Variants in GRIN2B observed in about 807,000 individuals in gnomAD.
GRIN2B encodes glutamate ionotropic receptor NMDA type subunit 2B.
GRIN2B carries 5 observed loss-of-function variants against 114.5 expected under a neutral mutation model. The ratio of observed to expected loss-of-function variants is 0.04; its 90% confidence interval spans 0.02 to 0.09. The LOEUF (loss-of-function observed/expected upper bound fraction) is 0.09. Among genes scored for constraint, GRIN2B ranks in the 10% least tolerant of loss-of-function variants. GRIN2B has a pLI of 1.00. For synonymous variants in GRIN2B, 787 were observed against 745.1 expected (o/e 1.06, Z -0.92); for missense variants, 1,108 against 1,943.5 (o/e 0.57, Z 8.08).
At chr12:13,859,556 G>C (rs529603939) in intron 3 of GRIN2B, among the ~76,000 whole-genome samples, 1 of 152,176 alleles carries the variant, frequency 6.6e-6, no homozygotes, top group Admixed American at 6.5e-5. Flanking sequence ...TATAGTTCAA[G>C]TAGGGAAAAT....
chr12:13,669,720 GT>G (rs2136535048), intron 5 of GRIN2B, among the ~76,000 whole-genome samples: 1 of 152,296 alleles, frequency 6.6e-6, no homozygotes, highest in East Asian at 1.9e-4. Context: ...AGATGTGCCA[GT>G]TTCTTCTGAG....
At chr12:13,904,533 T>C (rs1866507251) in intron 2 of GRIN2B, among the ~76,000 whole-genome samples, 1 of 152,142 alleles carries the variant, frequency 6.6e-6, no homozygotes, top group Non-Finnish European at 1.5e-5. Flanking sequence ...AAATGGCTAA[T>C]AATCATTTAG....
chr12:13,574,180 C>T (rs911332671), intron 10 of GRIN2B, among the ~76,000 whole-genome samples: 5 of 152,152 alleles, frequency 3.3e-5, no homozygotes, highest in East Asian at 3.9e-4. Context: ...GAGCTCAATT[C>T]GCCTAATTAA....
chr12:13,937,096 AG>A (rs761130234), intron 2 of GRIN2B, among the ~76,000 whole-genome samples: 6 of 128,932 alleles, frequency 4.7e-5, no homozygotes, highest in African/African-American at 1.7e-4. Flanking sequence ...AAAAAAAAAA[AG>A]GGGGGGGGGA....
intron 4 of GRIN2B, among the ~76,000 whole-genome samples, chr12:13,721,511 A>G (rs78659683): frequency 0.045 from 6,779 of 152,050 alleles, 205 homozygotes; most frequent in Middle Eastern, 0.058. Flanking sequence ...ATATCGGTGT[A>G]AGAAAAATAA....
chr12:13,587,202 G>C (rs907268693), intron 10 of GRIN2B, among the ~76,000 whole-genome samples: 9 of 152,116 alleles, frequency 5.9e-5, no homozygotes, highest in African/African-American at 2.2e-4. Context: ...TTTTAGATCA[G>C]ATACTCATCT....
chr12:13,932,558 G>A (rs1334542600), intron 2 of GRIN2B, among the ~76,000 whole-genome samples: 1 of 152,160 alleles, frequency 6.6e-6, no homozygotes, highest in East Asian at 1.9e-4. Context: ...CCAGTCAAAA[G>A]TCTTTATTTC....
chr12:13,686,339 T>A (rs1336720773), intron 4 of GRIN2B, among the ~76,000 whole-genome samples: 1 of 152,124 alleles, frequency 6.6e-6, no homozygotes, highest in Non-Finnish European at 1.5e-5. Context: ...TCTTTTCTCA[T>A]CCTCAAGAGG....
intron 3 of GRIN2B, among the ~76,000 whole-genome samples, chr12:13,784,189 A>C (rs1864178213): frequency 7.7e-6 from 1 of 129,186 alleles, no homozygotes. Flanking sequence ...GCGCCACTGC[A>C]CTCCAGCCTG....
At chr12:13,708,977 T>C (rs1950389812) in intron 4 of GRIN2B, among the ~76,000 whole-genome samples, 1 of 152,044 alleles carries the variant, frequency 6.6e-6, no homozygotes. Context: ...CAGGTTTACA[T>C]AAATAAAGAA....
rs200265732 is a variant in GRIN2B, at chr12:13,564,182, C to A, written c.3056G>T (p.Ser1019Ile). 1.5e-5 allele frequency: 24 copies of A among 1,614,010 alleles called. No homozygotes were observed. The highest frequency in any genetic ancestry group is 1.8e-5 in the Non-Finnish European group (21 of 1,180,030). Residue 1019 changes from serine to isoleucine, a missense_variant, in exon 14 of 14, where the codon AGC becomes ATC. By Grantham distance (142) the Ser-to-Ile change is moderately radical. Around this residue, in one of 19 missense-constraint regions of GRIN2B, gnomAD observed 140 missense variants for 187.5 expected, o/e 0.75. Coordinates refer to ENST00000609686, the MANE Select transcript of GRIN2B (RefSeq NM_000834.5). The surrounding 1 kb of genome is among the most constrained non-coding windows in gnomAD (Gnocchi z 4.8). Reference protein sequence around the residue: ...PPFTTQSRSISKKPLDIGLPS... With the variant: ...PPFTTQSRSIIKKPLDIGLPS... ...GAGGCCGATGTCCAGGGGCTTCTTGCTGATGGACCTGGACTGGGTGGTGAA... is the reference window on the plus strand; with the variant it reads ...GAGGCCGATGTCCAGGGGCTTCTTGATGATGGACCTGGACTGGGTGGTGAA...
intron 2 of GRIN2B, among the ~76,000 whole-genome samples, chr12:13,921,879 G>A (rs980154858): frequency 6.6e-6 from 1 of 152,124 alleles, no homozygotes; most frequent in Non-Finnish European, 1.5e-5. Flanking sequence ...TGGATAGATG[G>A]ATAGGCAGAT....
chr12:13,705,719 A>G (rs760784586), intron 4 of GRIN2B, among the ~76,000 whole-genome samples: 16 of 152,184 alleles, frequency 1.1e-4, no homozygotes, highest in Non-Finnish European at 2.1e-4. Context: ...ATTTCTCTTT[A>G]CTATAATAAT....
chr12:13,631,487 A>C (rs1457179652), intron 5 of GRIN2B, among the ~76,000 whole-genome samples: 1 of 152,204 alleles, frequency 6.6e-6, no homozygotes. Flanking sequence ...GACAAAGGCA[A>C]GGAAGTTGGC....
At chr12:13,580,223 A>C (rs1371180327) in intron 10 of GRIN2B, among the ~76,000 whole-genome samples, 1 of 152,226 alleles carries the variant, frequency 6.6e-6, no homozygotes, top group Non-Finnish European at 1.5e-5. Flanking sequence ...CACATAAATG[A>C]AAGCAGCTCT....
Position 13,547,986 on chromosome 12 carries a change from T to TTTTA in GRIN2B, c.*14796_*14797insTAAA, listed in dbSNP as rs1255771051. ...ATATATATATATATATATATATTTT[T>TTTTA]TTTTTTTTTCTGAAAGCTACAGAAG... On this transcript the variant is annotated 3_prime_UTR_variant, in exon 14 of 14. Transcript: ENST00000609686. 1 of 134,630 alleles carries TTTTA rather than the reference T, an allele frequency of 7.4e-6. No individual in the cohort carries two copies. Among genetic ancestry groups the TTTTA allele is most frequent in the Non-Finnish European group, 1.6e-5 (1 of 61,234 alleles). The allele number at this position is 134,630 out of a possible 1,614,324, so 8.3% of individuals were successfully genotyped here. A position where few individuals can be genotyped will look rare whatever the true frequency, so the allele number is the denominator to read the frequency against.
Position 13,562,738 on chromosome 12 carries a change from C to A in GRIN2B, c.*45G>T. 1 of 1,516,032 alleles carries A rather than the reference C, an allele frequency of 6.6e-7. No individual in the cohort carries two copies. Among genetic ancestry groups the A allele is most frequent in the Non-Finnish European group, 9.2e-7 (1 of 1,090,446 alleles). 93.9% of individuals were successfully genotyped at this position (1,516,032 alleles called of 1,614,324 possible). Reference sequence around the variant, plus strand: ...CGTGACATGCGCATCACGCGACCCACAGCCTTACCCTCCCGTACCCACCTT... The same window carrying A: ...CGTGACATGCGCATCACGCGACCCAAAGCCTTACCCTCCCGTACCCACCTT... On this transcript the variant is annotated 3_prime_UTR_variant, in exon 14 of 14. Transcript: ENST00000609686.
Position 13,615,687 on chromosome 12 carries a change from AC to A in GRIN2B, c.1329-24del, listed in dbSNP as rs958362157. The A allele has an allele frequency of 6.2e-7, 1 of 1,605,416 alleles. No individual in the cohort carries two copies. The highest frequency in any genetic ancestry group is 8.5e-7 in the Non-Finnish European group (1 of 1,172,204). On this transcript the variant is annotated intron_variant, in intron 6 of 13. Transcript: ENST00000609686. This position sits in a 1 kb window ranked among gnomAD's most constrained non-coding sequence, Gnocchi z 5.8. ...TTCCTAGCCAATTAAAGAAACAAAAACAAACAAACAAAAAAGTCTTTGTACA... is the reference window on the plus strand; with the variant it reads ...TTCCTAGCCAATTAAAGAAACAAAAAAAACAAACAAAAAAGTCTTTGTACA...
At chr12:13,735,689 A>C (rs150886155) in intron 4 of GRIN2B, among the ~76,000 whole-genome samples, 112 of 152,330 alleles carry the variant, frequency 7.4e-4, no homozygotes, top group African/African-American at 2.6e-3. Flanking sequence ...GCACCTGGGC[A>C]TTACAGGATC....
Sources: gnomAD v4.1 joint callset for allele counts (sites outside exome capture counted in the v4.1 genomes callset) on GRCh38, gnomAD v4.1.1 for gene constraint, gnomAD v4.1.1 regional missense constraint, Gnocchi (gnomAD v3.1) non-coding constraint, MANE v1.5 for transcripts, NCBI Gene and HGNC (gene_info 2026-07-23, HGNC 2026-07-21) for gene names.